AGT: variants seen among roughly 807,000 people sequenced by gnomAD.
AGT encodes the protein angiotensinogen.
Under a neutral mutation model 28.1 loss-of-function variants are expected in AGT, and 26 were observed. That is an observed-to-expected ratio of 0.92 (90% CI 0.68 to 1.28). The LOEUF is 1.28. Among genes scored for constraint, AGT ranks in the 50% most tolerant of loss-of-function variants. The probability of loss-of-function intolerance (pLI) is 0.00; values close to 1 mark genes in which losing one functional copy is unlikely to be tolerated. For missense variants in AGT, 596 were observed against 592.3 expected, an observed-to-expected ratio of 1.01 and a Z score of -0.06; for synonymous variants, 259 against 259.6, an observed-to-expected ratio of 1.00 and a Z score of 0.02.
At chr1:230,712,690 G>T (rs189808117) in intron 1 of AGT, among the ~76,000 whole-genome samples, 2 of 152,214 alleles carry the variant, frequency 1.3e-5, no homozygotes, top group African/African-American at 4.8e-5. Flanking sequence ...CTCAGGCAGC[G>T]TCTCCAGAGA....
intron 3 of AGT, 107 bp from the exon 4 acceptor site, chr1:230,704,444 G>A (rs1663326825): frequency 7.0e-7 from 1 of 1,423,962 alleles, no homozygotes; most frequent in South Asian, 1.2e-5. Flanking sequence ...CGACAGGGAT[G>A]TTTGCTCCCC....
intron 1 of AGT, among the ~76,000 whole-genome samples, chr1:230,726,096 T>C (rs1663936563): frequency 6.6e-6 from 1 of 152,216 alleles, no homozygotes; most frequent in Admixed American, 6.5e-5. Flanking sequence ...TGACTTCACT[T>C]GGCATCACGG....
At chr1:230,715,682 C>A (rs2493135), upstream of AGT, among the ~76,000 whole-genome samples, 20 of 152,118 alleles carry the variant, frequency 1.3e-4, no homozygotes, top group African/African-American at 4.8e-4. Context: ...GTAACAAGTC[C>A]ACCTGGACAC....
chr1:230,730,128 C>A (rs912909052), intron 1 of AGT, among the ~76,000 whole-genome samples: 1 of 152,008 alleles, frequency 6.6e-6, no homozygotes, highest in Non-Finnish European at 1.5e-5. Context: ...ACCTTGTTGG[C>A]CAGGCTGTTC....
chr1:230,728,922 T>C (rs1267733062), intron 1 of AGT, among the ~76,000 whole-genome samples: 1 of 152,222 alleles, frequency 6.6e-6, no homozygotes, highest in Non-Finnish European at 1.5e-5. Flanking sequence ...TGAAAGCATT[T>C]GGAGCAGAGC....
At chr1:230,719,406 G>GTTTTTTTTTTTTGTTTGTTTTTGT (rs1663801025), upstream of AGT, among the ~76,000 whole-genome samples, 1 of 100,332 alleles carries the variant, frequency 1.0e-5, no homozygotes, top group African/African-American at 4.0e-5. Flanking sequence ...TTATCATTAT[G>GTTTTTTTTTTTTGTTTGTTTTTGT]TTTTTTTTTT....
intron 4 of AGT, 141 bp downstream of exon 4, chr1:230,704,052 C>T (rs1237186431): frequency 7.0e-6 from 9 of 1,292,994 alleles, no homozygotes; most frequent in Non-Finnish European, 9.9e-6. Flanking sequence ...GGCTACTTCT[C>T]TCCCACCTTT....
chr1:230,705,612 G>A (rs1439093721), intron 3 of AGT, among the ~76,000 whole-genome samples: 1 of 152,210 alleles, frequency 6.6e-6, no homozygotes, highest in African/African-American at 2.4e-5. Context: ...GACCAAAATG[G>A]TCCTCTCTCA....
chr1:230,710,783 C>A lies in AGT; in HGVS notation c.41G>T (p.Cys14Phe), dbSNP rs767783982. The change falls in exon 2 of 5, where the codon TGC becomes TTC. Residue 14 changes from cysteine to phenylalanine, a missense_variant. Physicochemically the swap from Cys to Phe is radical, Grantham distance 205 (BLOSUM62 -2). Coordinates refer to ENST00000366667, the MANE Select transcript of AGT (RefSeq NM_001384479.1). ...AGCCAGGCCAGCCCAGGCCAGGAGG[C>A]AGAGGATGGTGGCCCTCAGGCTCAC... ...AGVSLRATILCLLAWAGLAAG... is the reference protein window; with the variant it reads ...AGVSLRATILFLLAWAGLAAG... The A allele has an allele frequency of 1.2e-6, 2 of 1,614,040 alleles. No homozygotes were observed. Among genetic ancestry groups the A allele is most frequent in the African/African-American group, 1.3e-5 (1 of 74,936 alleles).
At chr1:230,703,443 G>T (rs149041409) in intron 4 of AGT, 114 bp from the exon 5 acceptor site, 1 of 1,118,582 alleles carries the variant, frequency 8.9e-7, no homozygotes, top group East Asian at 2.5e-5. Context: ...CTGTCCTGGA[G>T]GGGGACATTT....
At chr1:230,704,757 C>G (rs1270141138) in intron 3 of AGT, among the ~76,000 whole-genome samples, 1 of 152,214 alleles carries the variant, frequency 6.6e-6, no homozygotes, top group African/African-American at 2.4e-5. Flanking sequence ...CAGTGTCAAC[C>G]TCGTGCTGGA....
At chr1:230,717,357 C>A (rs1402932726), upstream of AGT, among the ~76,000 whole-genome samples, 1 of 152,026 alleles carries the variant, frequency 6.6e-6, no homozygotes, top group Non-Finnish European at 1.5e-5. Context: ...ATCTCTTGAC[C>A]ACCCAGCTAG....
At position 230,725,880 on chromosome 1, in the gene AGT, C is replaced by T. The variant is rs1663931979; in HGVS notation, c.-30-15027G>A. On this transcript the variant is annotated intron_variant, in intron 1 of 4. Coordinates refer to the AGT transcript ENST00000681269. ...CTGGGATTTCTGTCACCATTAGGGC[C>T]TCCTGCCAGCCATTCCACAGAGACC... 2.0e-5 allele frequency among the ~76,000 whole-genome samples: 3 copies of T among 152,278 alleles called. No homozygotes were observed. The South Asian group carries it at 6.2e-4, about 32-fold the overall frequency.
At chr1:230,707,329 G>T (rs1571975065) in intron 2 of AGT, among the ~76,000 whole-genome samples, 2 of 152,356 alleles carry the variant, frequency 1.3e-5, no homozygotes, top group Admixed American at 1.3e-4. Flanking sequence ...TAGGAGAATA[G>T]GGTGAAGTTG....
At chr1:230,737,642 A>C (rs1195429058) in intron 1 of AGT, among the ~76,000 whole-genome samples, 1 of 152,040 alleles carries the variant, frequency 6.6e-6, no homozygotes, top group Non-Finnish European at 1.5e-5. Flanking sequence ...ATTGCTATCA[A>C]ATCTCCCTTT....
At chr1:230,705,099 G>A (rs945935622) in intron 3 of AGT, among the ~76,000 whole-genome samples, 2 of 152,154 alleles carry the variant, frequency 1.3e-5, no homozygotes, top group Non-Finnish European at 2.9e-5. Flanking sequence ...AGGGGAAGGG[G>A]AAATGGAGAG....
chr1:230,704,386 G>C (rs780329122), intron 3 of AGT, 49 bp from the exon 4 acceptor site: 1 of 1,606,026 alleles, frequency 6.2e-7, no homozygotes, highest in Middle Eastern at 1.8e-4. Context: ...CACAGTGAGG[G>C]CTCTCCCAGA....
At chr1:230,707,665 T>C (rs753311018) in intron 2 of AGT, among the ~76,000 whole-genome samples, 9 of 152,248 alleles carry the variant, frequency 5.9e-5, no homozygotes, top group Non-Finnish European at 1.0e-4. Context: ...GCTGCCCACC[T>C]GGGCTGGCAA....
upstream of AGT, among the ~76,000 whole-genome samples, chr1:230,717,259 TC>T (rs1663756726): frequency 1.3e-5 from 2 of 151,972 alleles, no homozygotes. Context: ...CTCTTTCTTT[TC>T]CCTACAGGGA....
Sources: gnomAD v4.1 joint callset for allele counts (sites outside exome capture counted in the v4.1 genomes callset) on GRCh38, gnomAD v4.1.1 for gene constraint, MANE v1.5 for transcripts, NCBI Gene and HGNC (gene_info 2026-07-23, HGNC 2026-07-21) for gene names.